NCAPD3: variants seen among roughly 807,000 people sequenced by gnomAD.
The protein encoded by NCAPD3 is condensin-2 complex subunit D3.
A neutral mutation model predicts 182.9 loss-of-function variants in NCAPD3; 105 were observed. The observed-to-expected ratio is 0.57, with a 90% CI of 0.49 to 0.68. NCAPD3 has a LOEUF of 0.68. NCAPD3 is among the 30% of genes least tolerant of loss of function. The probability of loss-of-function intolerance (pLI) is 0.00; values close to 1 mark genes in which losing one functional copy is unlikely to be tolerated. For synonymous variants in NCAPD3, 815 were observed against 679.9 expected (o/e 1.20, Z -3.09); for missense variants, 1,944 against 1,837.0 (o/e 1.06, Z -1.07).
chr11:134,203,026 A>G, intron 12 of NCAPD3, 116 bp downstream of exon 12: 2 of 1,165,644 alleles, frequency 1.7e-6, no homozygotes, highest in South Asian at 1.5e-5. Flanking sequence ...AACCTCTCTC[A>G]TGAAAAAAGT....
rs1370933161 is a variant in NCAPD3 at position 134,203,211 on chromosome 11, AG to A, written c.1469-14del. On this transcript the variant is annotated splice_polypyrimidine_tract_variant and intron_variant, in intron 11 of 34. Coordinates refer to ENST00000534548, the MANE Select transcript of NCAPD3 (RefSeq NM_015261.3). Reference sequence around the variant, plus strand: ...GAAAACGTAGGACCTAAAAACAAGAAGAAAGATAAGAAGGAAGAAGTCAGTA... The same window carrying A: ...GAAAACGTAGGACCTAAAAACAAGAAAAAGATAAGAAGGAAGAAGTCAGTA... 6.4e-7 allele frequency: 1 copy of A among 1,564,582 alleles called. No homozygotes were observed. Among genetic ancestry groups the A allele is most frequent in the Admixed American group, 1.7e-5 (1 of 59,608 alleles).
intron 20 of NCAPD3, among the ~76,000 whole-genome samples, chr11:134,180,009 CGGTTAACAGTTGAAAAAAACCTGGGGGA>C (rs1944260445): frequency 1.3e-5 from 2 of 151,424 alleles, no homozygotes; most frequent in Non-Finnish European, 2.9e-5. Context: ...TTTGATGACA[CGGTTAACAGTTGAAAAAAACCTGGGGGA>C]GGAGGGGTGG....
chr11:134,223,259 T>G (rs1400338158), intron 1 of NCAPD3: 4 of 590,854 alleles, frequency 6.8e-6, no homozygotes, highest in Non-Finnish European at 1.2e-5. Context: ...AAAATACTCC[T>G]GCAATTGCTC....
chr11:134,159,157 C>G (rs1943509848), intron 29 of NCAPD3, among the ~76,000 whole-genome samples: 1 of 152,138 alleles, frequency 6.6e-6, no homozygotes, highest in Admixed American at 6.5e-5. Flanking sequence ...TCCTGATTTC[C>G]TTTCTTTTGA....
In NCAPD3 at chr11:134,171,964, G is replaced by A. The variant is rs988996107; in HGVS notation, c.3102-2910C>T. ...GTTCACGGCATGTCTGCTTGGTTTC[G>A]TGTTCCTTTTCTAGGGATGCGGAAC... On this transcript the variant is annotated intron_variant, in intron 24 of 34. Coordinates refer to ENST00000534548, the MANE Select transcript of NCAPD3 (RefSeq NM_015261.3). 3.3e-5 allele frequency among the ~76,000 whole-genome samples: 5 copies of A among 152,144 alleles called. No homozygotes were observed. The East Asian group carries it at 7.7e-4, about 23-fold the overall frequency.
intron 3 of NCAPD3, among the ~76,000 whole-genome samples, chr11:134,216,622 G>A (rs1249577676): frequency 6.6e-6 from 1 of 152,192 alleles, no homozygotes; most frequent in Non-Finnish European, 1.5e-5. Context: ...AAGGAATCAT[G>A]AGAAGAAAGG....
At chr11:134,205,267 T>G (rs1300677446) in intron 8 of NCAPD3, among the ~76,000 whole-genome samples, 2 of 152,212 alleles carry the variant, frequency 1.3e-5, no homozygotes, top group Non-Finnish European at 2.9e-5. Flanking sequence ...AGATGTAAAA[T>G]ATATCCTTTG....
intron 16 of NCAPD3, among the ~76,000 whole-genome samples, chr11:134,188,532 C>T (rs972051553): frequency 3.2e-4 from 49 of 152,176 alleles, no homozygotes; most frequent in Non-Finnish European, 1.0e-4. Context: ...ACTGTAACAC[C>T]GCAAGGGTCT....
intron 24 of NCAPD3, among the ~76,000 whole-genome samples, chr11:134,170,812 C>T (rs1943988862): frequency 6.6e-6 from 1 of 152,202 alleles, no homozygotes; most frequent in African/African-American, 2.4e-5. Flanking sequence ...AATGTAGTCA[C>T]AGAGCTTTCT....
At chr11:134,167,892 CACTT>C (rs1355014928) in intron 27 of NCAPD3, 100 bp downstream of exon 27, 71 of 1,029,276 alleles carry the variant, frequency 6.9e-5, no homozygotes, top group Middle Eastern at 2.5e-4. Context: ...GGTGCACACT[CACTT>C]GTGAGATGAG....
At chr11:134,167,894 C>G (rs1371931638) in intron 27 of NCAPD3, 102 bp downstream of exon 27, 2 of 1,040,090 alleles carry the variant, frequency 1.9e-6, no homozygotes, top group East Asian at 4.8e-5. Flanking sequence ...TGCACACTCA[C>G]TTGTGAGATG....
At position 134,204,113 on chromosome 11, in the gene NCAPD3, C is replaced by T. The variant is rs769475096; in HGVS notation, c.1148G>A (p.Ser383Asn). ...FAAQSLVQLLSKLPCGEYAMF... is the reference protein window; with the variant it reads ...FAAQSLVQLLNKLPCGEYAMF... ...AGCGTATTCCCCACAAGGAAGTTTA[C>T]TGAGCAGCTGGACTAGGGACTGGGC... The change falls in exon 10 of 35, where the codon AGT becomes AAT. Residue 383 changes from serine (S) to asparagine (N), a missense_variant. Transcript: ENST00000534548. This position sits in a 1 kb window ranked among gnomAD's most constrained non-coding sequence, Gnocchi z 4.3. 1 of 1,613,962 alleles carries T rather than the reference C, an allele frequency of 6.2e-7. No homozygotes were observed. Among genetic ancestry groups the T allele is most frequent in the Admixed American group, 1.7e-5 (1 of 60,000 alleles).
intron 26 of NCAPD3, 73 bp downstream of exon 26, chr11:134,168,396 C>T: frequency 6.3e-7 from 1 of 1,588,920 alleles, no homozygotes; most frequent in Admixed American, 1.7e-5. Flanking sequence ...TTACTAGAGG[C>T]CTGCTGGGCC....
intron 13 of NCAPD3, among the ~76,000 whole-genome samples, chr11:134,202,217 C>T (rs373467491): frequency 1.3e-5 from 2 of 152,188 alleles, no homozygotes; most frequent in African/African-American, 4.8e-5. Context: ...ATCTGTGTCT[C>T]TCTCTCTTTA....
chr11:134,167,983 G>A lies in NCAPD3; in HGVS notation c.3573+13C>T. 3 of 1,612,518 alleles carry A rather than the reference G, an allele frequency of 1.9e-6. No individual in the cohort carries two copies. In the South Asian group the frequency reaches 3.3e-5, roughly 18 times the overall value. ...CTTGTGAGAAGATGATCTTAGGGGA[G>A]CAACACACTCACTTGTGAGATGAGC... On this transcript the variant is annotated intron_variant, in intron 27 of 34. Coordinates refer to ENST00000534548, the MANE Select transcript of NCAPD3 (RefSeq NM_015261.3).
intron 24 of NCAPD3, among the ~76,000 whole-genome samples, chr11:134,172,321 T>A (rs1431508841): frequency 6.6e-6 from 1 of 152,214 alleles, no homozygotes; most frequent in African/African-American, 2.4e-5. Flanking sequence ...CTGGACCCAA[T>A]GTCACCAGTG....
At chr11:134,168,851 A>T in intron 25 of NCAPD3, 66 bp downstream of exon 25, 1 of 1,554,830 alleles carries the variant, frequency 6.4e-7, no homozygotes, top group Non-Finnish European at 8.7e-7. Context: ...CAAAGAGCCT[A>T]ACCTCCCCTG....
rs1478486395 is a variant in NCAPD3 at position 134,191,765 on chromosome 11, C to T, written c.2045+924G>A. Among the ~76,000 whole-genome samples the T allele has an allele frequency of 2.0e-5, 3 of 152,178 alleles. No homozygotes were observed. In the East Asian group the frequency reaches 5.8e-4, roughly 29 times the overall value. On this transcript the variant is annotated intron_variant, in intron 16 of 34. Transcript: ENST00000534548. ...GGTTGAGTATCACTCATCTGAAATG[C>T]TTGGGACCAGAAGTGTTTTGGATTC...
At position 134,202,923 on chromosome 11, in the gene NCAPD3, C is replaced by T; in HGVS notation, c.1526-18G>A. The stretch of plus-strand genomic sequence containing the variant: ...GGAAAAAGCTTTAAAAAAAAAATTA[C>T]AGTCATTAAGCTAAAAATGTGTTAT... On this transcript the variant is annotated intron_variant, in intron 12 of 34. Transcript: ENST00000534548. 3.2e-6 allele frequency: 5 copies of T among 1,567,468 alleles called. No individual in the cohort carries two copies. The highest frequency in any genetic ancestry group is 4.3e-6 in the Non-Finnish European group (5 of 1,149,836).
Sources: gnomAD v4.1 joint callset for allele counts (sites outside exome capture counted in the v4.1 genomes callset) on GRCh38, gnomAD v4.1.1 for gene constraint, Gnocchi (gnomAD v3.1) non-coding constraint, MANE v1.5 for transcripts, NCBI Gene and HGNC (gene_info 2026-07-23, HGNC 2026-07-21) for gene names.